Variants in NCBP3 observed in about 807,000 individuals in gnomAD.
NCBP3 encodes nuclear cap binding subunit 3.
Under a neutral mutation model 75.7 loss-of-function variants are expected in NCBP3, and 20 were observed. The ratio of observed to expected loss-of-function variants is 0.26; its 90% CI spans 0.19 to 0.38. The LOEUF (loss-of-function observed/expected upper bound fraction) is 0.38, where lower values mean the gene tolerates loss of function less well. Among genes scored for constraint, NCBP3 ranks in the 10% least tolerant of loss-of-function variants. The pLI is 1.00. For missense variants in NCBP3, 678 were observed against 796.9 expected (o/e 0.85, Z 1.80); for synonymous variants, 293 against 290.5 (o/e 1.01, Z -0.09).
chr17:3,823,095 C>CCT (rs1461103386), intron 7 of NCBP3, among the ~76,000 whole-genome samples: 3 of 152,158 alleles, frequency 2.0e-5, no homozygotes, highest in Non-Finnish European at 4.4e-5. Flanking sequence ...GGGCGGATCA[C>CCT]AAGGTCAAGA....
At chr17:3,842,875 G>A (rs1373006582) in intron 2 of NCBP3, among the ~76,000 whole-genome samples, 1 of 151,948 alleles carries the variant, frequency 6.6e-6, no homozygotes, top group Non-Finnish European at 1.5e-5. Context: ...GAACTCCTGG[G>A]CTTAAACGAT....
At chr17:3,814,756 C>T (rs1402112554) in intron 11 of NCBP3, among the ~76,000 whole-genome samples, 1 of 151,054 alleles carries the variant, frequency 6.6e-6, no homozygotes, top group Non-Finnish European at 1.5e-5. Flanking sequence ...TAAGCAGAAT[C>T]AAGAAGACTA....
At chr17:3,829,428 A>G (rs1330772426) in intron 3 of NCBP3, 60 bp from the exon 4 acceptor site, 3 of 1,525,972 alleles carry the variant, frequency 2.0e-6, no homozygotes. Flanking sequence ...TGCACATCCC[A>G]TCCACACTCC....
chr17:3,816,352 A>T (rs1597394066), intron 10 of NCBP3, 82 bp from the exon 11 acceptor site: 2 of 1,259,350 alleles, frequency 1.6e-6, no homozygotes, highest in East Asian at 4.9e-5. Context: ...CATACTTTGG[A>T]GGAAACAATT....
At position 3,828,790 on chromosome 17, in the gene NCBP3, A is replaced by T. The variant is rs941093963; in HGVS notation, c.481+453T>A. 2.6e-5 allele frequency among the ~76,000 whole-genome samples: 4 copies of T among 152,194 alleles called. No individual in the cohort carries two copies. The East Asian group carries it at 7.7e-4, about 29-fold the overall frequency. On this transcript the variant is annotated intron_variant, in intron 4 of 12. Coordinates refer to ENST00000389005, the MANE Select transcript of NCBP3 (RefSeq NM_001114118.3). ...GGTCATTCTGTCTATTCAGAATGAC[A>T]CTCTGTCCAGTGTCTATTCTGGTCT...
chr17:3,821,646 C>A (rs927031111), intron 8 of NCBP3, among the ~76,000 whole-genome samples: 2 of 152,224 alleles, frequency 1.3e-5, no homozygotes, highest in South Asian at 4.1e-4. Context: ...TGGTCTCGAA[C>A]TCCTGACCTC....
chr17:3,817,848 A>G (rs2053572761), intron 10 of NCBP3, among the ~76,000 whole-genome samples: 1 of 143,436 alleles, frequency 7.0e-6, no homozygotes, highest in South Asian at 2.1e-4. Context: ...GTTGAAAAAA[A>G]TAATGTCTAC....
At chr17:3,830,139 G>A (rs1227231877) in intron 3 of NCBP3, among the ~76,000 whole-genome samples, 1 of 152,146 alleles carries the variant, frequency 6.6e-6, no homozygotes, top group Non-Finnish European at 1.5e-5. Flanking sequence ...GCAAATGGAA[G>A]GGTCTGCAGA....
chr17:3,825,783 T>G lies in NCBP3; in HGVS notation c.671A>C (p.Asn224Thr), dbSNP rs1214782471. The G allele has an allele frequency of 1.9e-6, 3 of 1,550,720 alleles. No individual in the cohort carries two copies. Among genetic ancestry groups the G allele is most frequent in the Non-Finnish European group, 2.6e-6 (3 of 1,146,358 alleles). The change falls in exon 6 of 13, where the codon AAC (asparagine) becomes ACC (threonine). Residue 224 changes from asparagine to threonine, a missense_variant. Physicochemically the swap from Asn to Thr is moderately conservative, Grantham distance 65 (BLOSUM62 0). Coordinates refer to ENST00000389005, the MANE Select transcript of NCBP3 (RefSeq NM_001114118.3). ...ATTACTAACCTCTACATCACTTGAG[T>G]TCTCATCTTCAACCTCTCCTTCTTC... ...EAEEGEVEDE[N>T]SSDVELDTLS...
intron 8 of NCBP3, among the ~76,000 whole-genome samples, chr17:3,821,670 G>C (rs2143659234): frequency 6.6e-6 from 1 of 152,242 alleles, no homozygotes; most frequent in African/African-American, 2.4e-5. Flanking sequence ...TGATCTGCTG[G>C]CCTCGGCCTC....
rs1274347719 is a variant in NCBP3 at position 3,809,700 on chromosome 17, G to C, written c.*3344C>G. The C allele has an allele frequency of 6.6e-6, 1 of 152,140 alleles. No individual in the cohort carries two copies. The highest frequency in any genetic ancestry group is 1.9e-4 in the East Asian group (1 of 5,190). The allele number at this position is 152,140 out of a possible 1,614,324, so 9.4% of individuals were successfully genotyped here. A position where few individuals can be genotyped will look rare whatever the true frequency, so the allele number is the denominator to read the frequency against. On this transcript the variant is annotated 3_prime_UTR_variant, in exon 13 of 13. Coordinates refer to ENST00000389005, the MANE Select transcript of NCBP3 (RefSeq NM_001114118.3). Reference sequence around the variant, plus strand: ...CAGCCTGCACAACAAGAGCGAAACTGTGTCTCAAAAATAAATAATAGAAAT... The same window carrying C: ...CAGCCTGCACAACAAGAGCGAAACTCTGTCTCAAAAATAAATAATAGAAAT...
At chr17:3,813,324 A>G (rs1183439102) in intron 12 of NCBP3, 45 bp from the exon 13 acceptor site, 2 of 1,607,812 alleles carry the variant, frequency 1.2e-6, no homozygotes, top group East Asian at 4.5e-5. Flanking sequence ...CAGCGCTAAG[A>G]ACCAGGGTAG....
At chr17:3,841,204 TG>T (rs1430576090) in intron 2 of NCBP3, among the ~76,000 whole-genome samples, 1 of 152,162 alleles carries the variant, frequency 6.6e-6, no homozygotes, top group African/African-American at 2.4e-5. Flanking sequence ...CTCGATCTCT[TG>T]ACCTCGTGAT....
chr17:3,821,113 T>A (rs1287575913), intron 9 of NCBP3, 136 bp downstream of exon 9: 1 of 535,258 alleles, frequency 1.9e-6, no homozygotes, highest in African/African-American at 1.9e-5. Context: ...TGACTTACTT[T>A]CCTATATGTT....
chr17:3,825,082 A>C, intron 6 of NCBP3, 32 bp from the exon 7 acceptor site: 1 of 1,248,630 alleles, frequency 8.0e-7, no homozygotes, highest in Non-Finnish European at 1.1e-6. Context: ...TAATATAAAA[A>C]TTAAAGTCCT....
At chr17:3,837,885 A>C (rs2054002258) in intron 3 of NCBP3, among the ~76,000 whole-genome samples, 1 of 152,074 alleles carries the variant, frequency 6.6e-6, no homozygotes. Context: ...CAAAGAATCG[A>C]CTGAAATAAG....
chr17:3,820,955 T>C (rs1049691553), intron 9 of NCBP3, among the ~76,000 whole-genome samples: 1 of 151,984 alleles, frequency 6.6e-6, no homozygotes, highest in Admixed American at 6.6e-5. Flanking sequence ...ATTGTTTTCA[T>C]GCAGCTGTTG....
chr17:3,827,910 TTTTG>T (rs1330865693), intron 4 of NCBP3, among the ~76,000 whole-genome samples: 3 of 152,132 alleles, frequency 2.0e-5, no homozygotes, highest in Non-Finnish European at 4.4e-5. Flanking sequence ...TACCACCTGC[TTTTG>T]TTTTTGTTTT....
chr17:3,835,947 T>C (rs147564831), intron 3 of NCBP3, among the ~76,000 whole-genome samples: 5 of 152,320 alleles, frequency 3.3e-5, no homozygotes, highest in African/African-American at 7.2e-5. Context: ...CCTTGCTACT[T>C]ACATAGCTGT....
Sources: gnomAD v4.1 joint callset for allele counts (sites outside exome capture counted in the v4.1 genomes callset) on GRCh38, gnomAD v4.1.1 for gene constraint, MANE v1.5 for transcripts, NCBI Gene and HGNC (gene_info 2026-07-23, HGNC 2026-07-21) for gene names.